The following GNAS variants were observed in gnomAD, a reference collection of about 807,000 sequenced individuals.
The protein encoded by GNAS is protein ALEX.
GNAS carries 8 observed loss-of-function variants against 54.5 expected under a neutral mutation model. The observed-to-expected ratio is 0.15, with a 90% CI of 0.09 to 0.26. The LOEUF is 0.26. GNAS is among the 10% of genes least tolerant of loss of function. The pLI is 1.00. For missense variants in GNAS, 170 were observed against 529.8 expected (o/e 0.32, Z 6.67); for synonymous variants, 204 against 191.4 (o/e 1.07, Z -0.54).
At chr20:58,901,730 A>G (rs2090620956) in intron 3 of GNAS, among the ~76,000 whole-genome samples, 1 of 152,118 alleles carries the variant, frequency 6.6e-6, no homozygotes, top group Admixed American at 6.5e-5. Flanking sequence ...GTACACAGAC[A>G]TTTATTCAGA....
chr20:58,853,900 C>T lies in GNAS; in HGVS notation c.43+13014C>T. On this transcript the variant is annotated intron_variant, in intron 1 of 12. Transcript: ENST00000306090. The surrounding 1 kb of genome is among the most constrained non-coding windows in gnomAD (Gnocchi z 4.4). ...GCCCTCAGGCCTGCAAAGGCTGGCT[C>T]CAGAGGAGGCTACAGCCCTCCCCCT... 6.2e-7 allele frequency: 1 copy of T among 1,604,034 alleles called. No individual in the cohort carries two copies. The highest frequency in any genetic ancestry group is 1.1e-5 in the South Asian group (1 of 89,696).
chr20:58,882,696 C>G (rs114907956), intron 1 of GNAS, among the ~76,000 whole-genome samples: 1 of 152,172 alleles, frequency 6.6e-6, no homozygotes, highest in African/African-American at 2.4e-5. Context: ...TTAACTCTTT[C>G]AGGATTTCAT....
intron 1 of GNAS, among the ~76,000 whole-genome samples, chr20:58,858,456 C>T (rs1034458208): frequency 6.6e-6 from 1 of 152,098 alleles, no homozygotes; most frequent in Admixed American, 6.5e-5. Flanking sequence ...TTTAAAGAAG[C>T]CTTTTTCTTA....
chr20:58,852,923 G>A (rs1472109745), intron 1 of GNAS: 4 of 805,134 alleles, frequency 5.0e-6, no homozygotes, highest in Non-Finnish European at 6.3e-6. Context: ...CGGCACGCTC[G>A]TCAGATCCAA....
At chr20:58,871,563 G>A (rs6026570) in intron 1 of GNAS, among the ~76,000 whole-genome samples, 2,210 of 143,660 alleles carry the variant, frequency 0.015, 62 homozygotes, top group African/African-American at 0.054. Context: ...GCAGTGAGCC[G>A]AGATTGTGCC....
chr20:58,905,352 T>G, intron 5 of GNAS, 31 bp from the exon 6 acceptor site: 1 of 1,265,122 alleles, frequency 7.9e-7, no homozygotes, highest in Non-Finnish European at 1.2e-6. Context: ...AGCTCTTGCC[T>G]TTCTCTAAAC....
At chr20:58,885,470 A>G (rs1371637076) in intron 1 of GNAS, among the ~76,000 whole-genome samples, 1 of 152,264 alleles carries the variant, frequency 6.6e-6, no homozygotes, top group Admixed American at 6.5e-5. Context: ...GTTGATGGAT[A>G]ATAAATAGGA....
rs971477854 is a variant in GNAS, at chr20:58,873,303, G to A, written c.44-22309G>A. Among the ~76,000 whole-genome samples, 6 of 152,138 alleles carry A rather than the reference G, an allele frequency of 3.9e-5. No homozygotes were observed. The highest frequency in any genetic ancestry group is 3.9e-4 in the Admixed American group (6 of 15,288). The stretch of plus-strand genomic sequence containing the variant: ...GAAGAAAGAAATGTTGTTGGGAAAT[G>A]TTTAGTGGAAATTTAGCATAAAATG... On this transcript the variant is annotated intron_variant, in intron 1 of 12. Transcript: ENST00000306090. This position sits in a 1 kb window ranked among gnomAD's most constrained non-coding sequence, Gnocchi z 4.3.
intron 5 of GNAS, 135 bp downstream of exon 5, chr20:58,903,926 A>G: frequency 1.2e-6 from 1 of 854,678 alleles, no homozygotes. Context: ...CATTTCAGTG[A>G]TGTCCATCCT....
Position 58,910,775 on chromosome 20 carries a change from C to T in GNAS, c.1131C>T (p.Asn377=), listed in dbSNP as rs140075370. The change falls in exon 13 of 13, where the codon AAC becomes AAT. Residue 377 remains asparagine (N), a synonymous_variant. Coordinates refer to ENST00000371085, the MANE Select transcript of GNAS (RefSeq NM_000516.7). This position sits in a 1 kb window ranked among gnomAD's most constrained non-coding sequence, Gnocchi z 5.8. ...VDTENIRRVF[N]DCRDIIQRMH... is the part of the protein sequence containing the mutation. The stretch of plus-strand genomic sequence containing the variant: ...CTGAGAACATCCGCCGTGTGTTCAA[C>T]GACTGCCGTGACATCATTCAGCGCA... 62 of 1,613,994 alleles carry T rather than the reference C, an allele frequency of 3.8e-5. 1 individual carries two copies. The highest frequency in any genetic ancestry group is 1.4e-4 in the South Asian group (13 of 91,088).
intron 1 of GNAS, among the ~76,000 whole-genome samples, chr20:58,893,245 T>TA (rs2089690476): frequency 6.9e-6 from 1 of 144,536 alleles, no homozygotes; most frequent in Non-Finnish European, 1.5e-5. Context: ...TTTCCTCTGA[T>TA]TAAAAAAATA....
chr20:58,867,342 G>C (rs1305320916), intron 1 of GNAS: 1 of 152,248 alleles, frequency 6.6e-6, no homozygotes, highest in African/African-American at 2.4e-5. Flanking sequence ...CAAATGGCCA[G>C]TGTGGGTTTT....
chr20:58,904,198 C>T (rs893131458), intron 5 of GNAS, among the ~76,000 whole-genome samples: 2 of 152,132 alleles, frequency 1.3e-5, no homozygotes, highest in Non-Finnish European at 2.9e-5. Context: ...ATATGGCACA[C>T]AAATACTAAT....
chr20:58,909,676 T>C lies in GNAS; in HGVS notation c.719-8T>C, dbSNP rs1347476078. The C allele has an allele frequency of 6.2e-7, 1 of 1,614,058 alleles. No homozygotes were observed. Among genetic ancestry groups the C allele is most frequent in the East Asian group, 2.2e-5 (1 of 44,898 alleles). On this transcript the variant is annotated splice_region_variant and splice_polypyrimidine_tract_variant and intron_variant, in intron 9 of 12. Coordinates refer to ENST00000371085, the MANE Select transcript of GNAS (RefSeq NM_000516.7). The surrounding 1 kb of genome is among the most constrained non-coding windows in gnomAD (Gnocchi z 7.3). ...CTCACGCTCTTGGCTTTGCTCTCTTTGGTTAAGATGTGACTGCCATCATCT... is the reference window on the plus strand; with the variant it reads ...CTCACGCTCTTGGCTTTGCTCTCTTCGGTTAAGATGTGACTGCCATCATCT...
chr20:58,859,757 G>GCTA (rs2086686415), intron 1 of GNAS, among the ~76,000 whole-genome samples: 2 of 151,716 alleles, frequency 1.3e-5, no homozygotes, highest in Admixed American at 1.3e-4. Flanking sequence ...CTCCTGAGTA[G>GCTA]CTAGGATTAC....
chr20:58,842,138 G>C (rs529624732), intron 1 of GNAS: 1 of 399,132 alleles, frequency 2.5e-6, no homozygotes, highest in African/African-American at 2.1e-5. Context: ...AGGGGAATCT[G>C]CTCTGATGAC....
chr20:58,895,695 AATCTGTGCAGGGGGGC>A lies in GNAS; in HGVS notation c.212+13_212+28del. 1 of 1,485,986 alleles carries A rather than the reference AATCTGTGCAGGGGGGC, an allele frequency of 6.7e-7. No individual in the cohort carries two copies. The highest frequency in any genetic ancestry group is 9.4e-7 in the Non-Finnish European group (1 of 1,062,548). 92.1% of individuals were successfully genotyped at this position (1,485,986 alleles called of 1,614,324 possible). On this transcript the variant is annotated intron_variant, in intron 2 of 12. Transcript: ENST00000371085. ...TGGGTTTAATGGAGAGTAAGTGTCA[AATCTGTGCAGGGGGGC>A]ACCAAGTAAGAGGAACAGACTTTAT...
chr20:58,879,708 G>A (rs186508333), intron 1 of GNAS, among the ~76,000 whole-genome samples: 14 of 152,248 alleles, frequency 9.2e-5, no homozygotes, highest in African/African-American at 3.4e-4. Flanking sequence ...TGCAGAGGAG[G>A]GGGGAAATGA....
At position 58,853,288 on chromosome 20, in the gene GNAS, A is replaced by G. The variant is rs1439512116; in HGVS notation, c.43+12402A>G. On this transcript the variant is annotated intron_variant, in intron 1 of 12. Coordinates refer to the GNAS transcript ENST00000306090. This position sits in a 1 kb window ranked among gnomAD's most constrained non-coding sequence, Gnocchi z 4.4. ...GTTATGGGCGTGCGCAACTGCCTCT[A>G]CGGCAATAATATGTCAGGACAACGC... is the stretch of plus-strand genomic sequence containing the variant. 6.5e-7 allele frequency: 1 copy of G among 1,548,932 alleles called. No homozygotes were observed. Among genetic ancestry groups the G allele is most frequent in the Admixed American group, 2.0e-5 (1 of 50,952 alleles).
Sources: gnomAD v4.1 joint callset for allele counts (sites outside exome capture counted in the v4.1 genomes callset) on GRCh38, gnomAD v4.1.1 for gene constraint, Gnocchi (gnomAD v3.1) non-coding constraint, MANE v1.5 for transcripts, NCBI Gene and HGNC (gene_info 2026-07-23, HGNC 2026-07-21) for gene names.